The following TENM2 variants were observed in gnomAD, a reference collection of about 807,000 sequenced individuals.
TENM2 encodes teneurin transmembrane protein 2.
Under a neutral mutation model 245.2 loss-of-function variants are expected in TENM2, and 52 were observed. That is an observed-to-expected ratio of 0.21 (90% confidence interval 0.17 to 0.27). The LOEUF is 0.27. Ranked by LOEUF, TENM2 falls within the 10% of genes least tolerant of loss-of-function variation. The pLI, the probability that TENM2 is intolerant of heterozygous loss-of-function variation, is 1.00. For synonymous variants in TENM2, 1,363 were observed against 1,438.9 expected (o/e 0.95, Z 1.19); for missense variants, 3,046 against 3,666.8 (o/e 0.83, Z 4.37).
chr5:167,522,621 A>G (rs1166142820), intron 2 of TENM2, among the ~76,000 whole-genome samples: 5 of 152,050 alleles, frequency 3.3e-5, no homozygotes, highest in Non-Finnish European at 7.4e-5. Context: ...TAAAGTTATC[A>G]TATAAAAATA....
At chr5:167,393,136 GA>G (rs1049228235) in intron 2 of TENM2, among the ~76,000 whole-genome samples, 58 of 145,438 alleles carry the variant, frequency 4.0e-4, no homozygotes, top group African/African-American at 1.3e-3. Flanking sequence ...GAAAAAAAAG[GA>G]AAAAAAAAGT....
chr5:167,888,713 G>C (rs1252052057), intron 3 of TENM2, among the ~76,000 whole-genome samples: 2 of 152,108 alleles, frequency 1.3e-5, no homozygotes, highest in Admixed American at 6.6e-5. Flanking sequence ...TCTAGCTCAG[G>C]CCTTTCCTTT....
intron 4 of TENM2, among the ~76,000 whole-genome samples, chr5:167,982,521 C>T (rs1161047728): frequency 6.6e-6 from 1 of 152,116 alleles, no homozygotes; most frequent in Non-Finnish European, 1.5e-5. Flanking sequence ...GGATTGTATT[C>T]CTGTTCTTTT....
chr5:167,303,904 G>A (rs950041287), intron 1 of TENM2, among the ~76,000 whole-genome samples: 1 of 152,136 alleles, frequency 6.6e-6, no homozygotes, highest in Non-Finnish European at 1.5e-5. Context: ...GAATTCAGGT[G>A]TAGAGTTGCT....
chr5:167,633,601 A>G (rs1779010088), intron 2 of TENM2, among the ~76,000 whole-genome samples: 1 of 152,204 alleles, frequency 6.6e-6, no homozygotes, highest in Non-Finnish European at 1.5e-5. Flanking sequence ...AGCTTAAGGG[A>G]TCTTTCTAAA....
At chr5:167,063,666 G>T in the TENM2 span, among the ~76,000 whole-genome samples, 1 of 152,108 alleles carries the variant, frequency 6.6e-6, no homozygotes, top group Non-Finnish European at 1.5e-5. Context: ...CTGTGCTTAA[G>T]CATATGACAG....
chr5:167,966,077 A>G (rs1392978596), intron 4 of TENM2, among the ~76,000 whole-genome samples: 2 of 152,084 alleles, frequency 1.3e-5, no homozygotes, highest in Admixed American at 1.3e-4. Context: ...TCAAACTCAT[A>G]AGCCAGGCCA....
At chr5:167,732,937 A>G (rs1760537303) in intron 2 of TENM2, among the ~76,000 whole-genome samples, 1 of 152,230 alleles carries the variant, frequency 6.6e-6, no homozygotes, top group Admixed American at 6.5e-5. Context: ...TTCATTAAGT[A>G]GTGACGTGGA....
At chr5:167,199,931 A>G in the TENM2 span, among the ~76,000 whole-genome samples, 11 of 151,414 alleles carry the variant, frequency 7.3e-5, no homozygotes, top group African/African-American at 2.7e-4. Flanking sequence ...AAGTTAAGGC[A>G]TAAGTTTCTT....
intron 3 of TENM2, among the ~76,000 whole-genome samples, chr5:167,898,144 C>T (rs1775377064): frequency 6.6e-6 from 1 of 152,092 alleles, no homozygotes; most frequent in Admixed American, 6.6e-5. Context: ...CCATAAACCA[C>T]CTTTGGATGT....
the TENM2 span, among the ~76,000 whole-genome samples, chr5:167,176,539 T>A: frequency 2.5e-4 from 38 of 152,370 alleles, no homozygotes; most frequent in Non-Finnish European, 3.8e-4. Flanking sequence ...AAGGTATAAA[T>A]GTAGCTTAGC....
intron 12 of TENM2, chr5:168,139,509 G>C (rs769944445): frequency 2.2e-6 from 1 of 456,380 alleles, no homozygotes; most frequent in South Asian, 1.5e-5. Flanking sequence ...CTAGAAGTGA[G>C]AGAAACCAGT....
chr5:168,071,053 G>C (rs1790974839), intron 7 of TENM2, among the ~76,000 whole-genome samples: 1 of 152,136 alleles, frequency 6.6e-6, no homozygotes, highest in Non-Finnish European at 1.5e-5. Context: ...GAGAGCCTGG[G>C]CAGAAGGAGT....
chr5:167,880,676 T>C (rs532249771), intron 3 of TENM2, among the ~76,000 whole-genome samples: 1 of 152,316 alleles, frequency 6.6e-6, no homozygotes, highest in East Asian at 1.9e-4. Context: ...CATATGCTAA[T>C]TTCCTGTCAA....
In TENM2 at chr5:168,199,390, T is replaced by C. The variant is rs2291783; in HGVS notation, c.3162+276T>C. Among the ~76,000 whole-genome samples the C allele has an allele frequency of 4.5e-4, 68 of 152,376 alleles. No homozygotes were observed. The East Asian group carries it at 0.012, about 28-fold the overall frequency. ...TGCAACCCACCTGCAAATTGCTTTT[T>C]GTTCCTGTTAGTCACAGAGATACAT... On this transcript the variant is annotated intron_variant, in intron 16 of 28. Coordinates refer to ENST00000518659, the Ensembl canonical transcript of TENM2.
intron 2 of TENM2, among the ~76,000 whole-genome samples, chr5:167,596,250 T>A (rs1331442130): frequency 6.6e-6 from 1 of 152,124 alleles, no homozygotes; most frequent in Non-Finnish European, 1.5e-5. Flanking sequence ...ATTGTCCCTA[T>A]TTTCTAGATG....
At position 167,998,504 on chromosome 5, in the gene TENM2, C is replaced by T. The variant is rs369585346; in HGVS notation, c.1186+5322C>T. On this transcript the variant is annotated intron_variant, in intron 5 of 28. Coordinates refer to ENST00000518659, the Ensembl canonical transcript of TENM2. ...TAAGGCGAGAGTCAACACAAGAGTT[C>T]GGCATGACATGGGACTCAGACTGTC... is the stretch of plus-strand genomic sequence containing the variant. Among the ~76,000 whole-genome samples the T allele has an allele frequency of 6.6e-5, 10 of 152,060 alleles. No homozygotes were observed. The South Asian group carries it at 1.0e-3, about 16-fold the overall frequency.
chr5:167,554,279 G>T (rs1047692332), intron 2 of TENM2, among the ~76,000 whole-genome samples: 1 of 152,190 alleles, frequency 6.6e-6, no homozygotes, highest in African/African-American at 2.4e-5. Flanking sequence ...ATAGCTAGCT[G>T]CATTATACTC....
At chr5:167,245,916 C>T in the TENM2 span, among the ~76,000 whole-genome samples, 5 of 152,164 alleles carry the variant, frequency 3.3e-5, no homozygotes, top group Non-Finnish European at 7.4e-5. Flanking sequence ...AGCCCTTGAA[C>T]TTCTACCCCT....
Sources: allele counts gnomAD v4.1 joint callset (sites outside exome capture counted in the v4.1 genomes callset), GRCh38; gene constraint gnomAD v4.1.1; transcripts MANE v1.5; gene names NCBI Gene and HGNC (gene_info 2026-07-23, HGNC 2026-07-21).